GRID1: variants seen among roughly 807,000 people sequenced by gnomAD.
The protein encoded by GRID1 is glutamate receptor ionotropic, delta-1.
A neutral mutation model predicts 98.0 loss-of-function variants in GRID1; 28 were observed. The ratio of observed to expected loss-of-function variants is 0.29; its 90% CI spans 0.21 to 0.39. GRID1 has a LOEUF of 0.39. GRID1 is among the 10% of genes least tolerant of loss of function. The pLI is 1.00. For missense variants in GRID1, 1,111 were observed against 1,340.5 expected (o/e 0.83, Z 2.67); for synonymous variants, 553 against 538.5 (o/e 1.03, Z -0.37).
intron 6 of GRID1, among the ~76,000 whole-genome samples, chr10:85,866,666 C>T (rs949079080): frequency 3.3e-5 from 5 of 152,146 alleles, no homozygotes; most frequent in East Asian, 1.9e-4. Context: ...GAATGCTTTC[C>T]GTATGTTCTC....
intron 13 of GRID1, among the ~76,000 whole-genome samples, chr10:85,628,256 CTG>C (rs1195132676): frequency 2.0e-5 from 3 of 150,904 alleles, no homozygotes; most frequent in South Asian, 4.2e-4. Flanking sequence ...GCAGGTATGA[CTG>C]TGTATGTGTG....
intron 4 of GRID1, among the ~76,000 whole-genome samples, chr10:85,966,974 G>A (rs749907787): frequency 6.6e-6 from 1 of 152,344 alleles, no homozygotes; most frequent in Middle Eastern, 3.4e-3. Flanking sequence ...GGCAGGGACA[G>A]GTGGAGATAA....
intron 2 of GRID1, among the ~76,000 whole-genome samples, chr10:86,321,720 G>T (rs1006418595): frequency 6.6e-6 from 1 of 152,158 alleles, no homozygotes; most frequent in Non-Finnish European, 1.5e-5. Context: ...AAAAGCAACT[G>T]CCCGCAGGCA....
rs118093964 is a variant in GRID1, at chr10:86,348,801, A to T, written c.235+15140T>A. ...CGATCAGTGCGTACTGAGACTCATCACAGACCTCGCTGTCCTGCCTTTAAC... is the reference window on the plus strand; with the variant it reads ...CGATCAGTGCGTACTGAGACTCATCTCAGACCTCGCTGTCCTGCCTTTAAC... On this transcript the variant is annotated intron_variant, in intron 2 of 15. Coordinates refer to ENST00000327946, the MANE Select transcript of GRID1 (RefSeq NM_017551.3). 2.1e-3 allele frequency among the ~76,000 whole-genome samples: 319 copies of T among 152,354 alleles called. 13 individuals carry two copies. In the East Asian group the frequency reaches 0.058, roughly 28 times the overall value.
At chr10:85,881,080 C>T (rs535986736) in intron 5 of GRID1, among the ~76,000 whole-genome samples, 2 of 152,250 alleles carry the variant, frequency 1.3e-5, no homozygotes, top group South Asian at 4.1e-4. Context: ...CGTGAGGGAC[C>T]TCTTCAAGGA....
chr10:86,179,891 C>T (rs11201926), intron 3 of GRID1, among the ~76,000 whole-genome samples: 30,851 of 152,132 alleles, frequency 0.2, 4,459 homozygotes, highest in African/African-American at 0.41. Flanking sequence ...AGAGGAGGCC[C>T]ACATTTATTA....
intron 8 of GRID1, among the ~76,000 whole-genome samples, chr10:85,844,827 A>G (rs1842991303): frequency 6.6e-6 from 1 of 152,046 alleles, no homozygotes; most frequent in South Asian, 2.1e-4. Context: ...TATTAACAGG[A>G]AAGAGCAAGA....
At chr10:85,680,544 G>A (rs1276498373) in intron 12 of GRID1, among the ~76,000 whole-genome samples, 1 of 152,202 alleles carries the variant, frequency 6.6e-6, no homozygotes, top group Admixed American at 6.5e-5. Context: ...ATTAGCACAA[G>A]CCCTATGGAA....
chr10:85,799,971 T>C (rs1013001297), intron 8 of GRID1, among the ~76,000 whole-genome samples: 3 of 152,118 alleles, frequency 2.0e-5, no homozygotes, highest in African/African-American at 7.2e-5. Flanking sequence ...AACATCACAC[T>C]GTACCCTATA....
intron 4 of GRID1, among the ~76,000 whole-genome samples, chr10:86,088,881 G>C (rs975117472): frequency 6.6e-6 from 1 of 151,282 alleles, no homozygotes; most frequent in African/African-American, 2.4e-5. Flanking sequence ...AACCCAGAAA[G>C]ATCAATAGAT....
In GRID1 at chr10:86,164,184, G is replaced by A. The variant is rs74594219; in HGVS notation, c.521-25160C>T. On this transcript the variant is annotated intron_variant, in intron 3 of 15. Coordinates refer to ENST00000327946, the MANE Select transcript of GRID1 (RefSeq NM_017551.3). ...TTTATCTAACGATGACATTTGTACTGTAAAAGTCAGCACAAAAATCAATGA... is the reference window on the plus strand; with the variant it reads ...TTTATCTAACGATGACATTTGTACTATAAAAGTCAGCACAAAAATCAATGA... 4.6e-3 allele frequency among the ~76,000 whole-genome samples: 698 copies of A among 152,324 alleles called. 22 individuals are homozygous for A. The East Asian group carries it at 0.081, about 18-fold the overall frequency.
intron 9 of GRID1, 58 bp from the exon 10 acceptor site, chr10:85,728,110 T>C: frequency 8.6e-7 from 1 of 1,156,490 alleles, no homozygotes; most frequent in Non-Finnish European, 1.3e-6. Context: ...AACACATATT[T>C]CCAGTGTAAT....
At chr10:85,619,463 T>C (rs1813967933) in intron 14 of GRID1, among the ~76,000 whole-genome samples, 1 of 152,238 alleles carries the variant, frequency 6.6e-6, no homozygotes, top group African/African-American at 2.4e-5. Context: ...TCCTGCTAAT[T>C]ATTCATTTTT....
chr10:86,105,759 A>C (rs1844375543), intron 4 of GRID1, among the ~76,000 whole-genome samples: 1 of 152,214 alleles, frequency 6.6e-6, no homozygotes, highest in African/African-American at 2.4e-5. Context: ...CAGTCAAATA[A>C]GCCTGTGACA....
intron 4 of GRID1, among the ~76,000 whole-genome samples, chr10:86,138,205 A>C (rs555019756): frequency 1.3e-5 from 2 of 152,180 alleles, no homozygotes; most frequent in African/African-American, 4.8e-5. Flanking sequence ...TTTCTTCTCA[A>C]ATTAATGGAT....
At chr10:86,258,573 C>G (rs1242928725) in intron 2 of GRID1, among the ~76,000 whole-genome samples, 3 of 152,104 alleles carry the variant, frequency 2.0e-5, no homozygotes, top group Non-Finnish European at 4.4e-5. Flanking sequence ...GGAGAAGCCC[C>G]CATCTCTCAT....
chr10:85,740,360 T>C (rs1428850367), intron 8 of GRID1, among the ~76,000 whole-genome samples: 1 of 152,212 alleles, frequency 6.6e-6, no homozygotes, highest in African/African-American at 2.4e-5. Context: ...CTCAGGCTCA[T>C]ACTAGCAGAT....
At chr10:86,252,705 G>A (rs1025621033) in intron 2 of GRID1, among the ~76,000 whole-genome samples, 8 of 152,172 alleles carry the variant, frequency 5.3e-5, no homozygotes, top group African/African-American at 1.7e-4. Flanking sequence ...TACTGTGGTC[G>A]AGTGGTGGAA....
At chr10:86,303,351 A>G (rs1847716751) in intron 2 of GRID1, among the ~76,000 whole-genome samples, 1 of 152,242 alleles carries the variant, frequency 6.6e-6, no homozygotes, top group South Asian at 2.1e-4. Flanking sequence ...AAAAATTAGA[A>G]ATATAAGGAA....
Sources: gnomAD v4.1 joint callset for allele counts (sites outside exome capture counted in the v4.1 genomes callset) on GRCh38, gnomAD v4.1.1 for gene constraint, MANE v1.5 for transcripts, NCBI Gene and HGNC (gene_info 2026-07-23, HGNC 2026-07-21) for gene names.